MDGA2: variants seen among roughly 807,000 people sequenced by gnomAD.
MDGA2 encodes MAM domain-containing glycosylphosphatidylinositol anchor protein 2.
MDGA2 carries 40 observed loss-of-function variants against 117.8 expected under a neutral mutation model. The observed-to-expected ratio is 0.34, with a 90% CI of 0.26 to 0.44. The LOEUF is 0.44. Ranked by LOEUF, MDGA2 falls within the 20% of genes least tolerant of loss-of-function variation. The pLI, the probability that MDGA2 is intolerant of heterozygous loss-of-function variation, is 1.00. For synonymous variants in MDGA2, 452 were observed against 439.0 expected (o/e 1.03, Z -0.37); for missense variants, 1,123 against 1,250.6 (o/e 0.90, Z 1.54).
At chr14:47,106,466 A>T (rs1880685743) in intron 5 of MDGA2, among the ~76,000 whole-genome samples, 1 of 151,940 alleles carries the variant, frequency 6.6e-6, no homozygotes. Context: ...ATGTGCCGGA[A>T]ATCTGGCCAC....
At chr14:47,614,490 TA>T (rs1896913949) in intron 1 of MDGA2, among the ~76,000 whole-genome samples, 1 of 152,184 alleles carries the variant, frequency 6.6e-6, no homozygotes, top group Non-Finnish European at 1.5e-5. Context: ...GGCCTTCCAT[TA>T]ATGTTATTTC....
intron 8 of MDGA2, among the ~76,000 whole-genome samples, chr14:47,017,073 A>C (rs73241246): frequency 0.14 from 21,897 of 151,396 alleles, 1,776 homozygotes; most frequent in South Asian, 0.27. Context: ...TTATGTCTCT[A>C]TTTCTCTTGG....
chr14:47,608,585 T>TA (rs1008920593), intron 1 of MDGA2, among the ~76,000 whole-genome samples: 1 of 152,072 alleles, frequency 6.6e-6, no homozygotes, highest in African/African-American at 2.4e-5. Flanking sequence ...ATAGGCACTG[T>TA]AAAAAGGAAA....
At chr14:47,616,719 T>C (rs1296265354) in intron 1 of MDGA2, among the ~76,000 whole-genome samples, 1 of 152,196 alleles carries the variant, frequency 6.6e-6, no homozygotes, top group Non-Finnish European at 1.5e-5. Flanking sequence ...AACAATTTTT[T>C]AGATAATGGA....
intron 1 of MDGA2, among the ~76,000 whole-genome samples, chr14:47,440,684 TTCTGTAGGC>T (rs2138546736): frequency 5.1e-5 from 1 of 19,788 alleles, no homozygotes; most frequent in Non-Finnish European, 1.1e-4. Flanking sequence ...TTCTGTAGGC[TTCTGTAGGC>T]TTCTAGAAAT....
chr14:47,005,450 G>A (rs1320434731), intron 8 of MDGA2, among the ~76,000 whole-genome samples: 1 of 151,470 alleles, frequency 6.6e-6, no homozygotes, highest in Non-Finnish European at 1.5e-5. Flanking sequence ...CATATTCTCA[G>A]CATAAACTCT....
intron 3 of MDGA2, among the ~76,000 whole-genome samples, chr14:47,169,100 A>G (rs1057477346): frequency 4.6e-5 from 7 of 151,994 alleles, no homozygotes; most frequent in Non-Finnish European, 8.8e-5. Flanking sequence ...GAACTTACCA[A>G]AATTCCCCTT....
chr14:46,938,540 C>CAAAAAA lies in MDGA2; in HGVS notation c.2090-18386_2090-18381dup, dbSNP rs71112472. Reference sequence around the variant, plus strand: ...GGGCAACAAGAACGAAAATCCATCTCAAAAAAAAAAAAAAAAAAAAGAGAC... The same window carrying CAAAAAA: ...GGGCAACAAGAACGAAAATCCATCTCAAAAAAAAAAAAAAAAAAAAAAAAAAGAGAC... On this transcript the variant is annotated intron_variant, in intron 9 of 16. Coordinates refer to ENST00000399232, the MANE Select transcript of MDGA2 (RefSeq NM_001113498.3). 3.1e-3 allele frequency among the ~76,000 whole-genome samples: 84 copies of CAAAAAA among 26,980 alleles called. 3 individuals are homozygous for CAAAAAA. Among genetic ancestry groups the CAAAAAA allele is most frequent in the Middle Eastern group, 0.019 (1 of 52 alleles). The allele number at this position is 26,980 out of a possible 152,430, so 17.7% of individuals were successfully genotyped here. A position where few individuals can be genotyped will look rare whatever the true frequency, so the allele number is the denominator to read the frequency against.
chr14:47,249,495 T>C (rs1043943219), intron 2 of MDGA2, among the ~76,000 whole-genome samples: 2 of 152,136 alleles, frequency 1.3e-5, no homozygotes, highest in African/African-American at 4.8e-5. Context: ...CTAAATTATA[T>C]ATGTATATTT....
At chr14:47,356,743 T>C (rs1891003019) in intron 1 of MDGA2, among the ~76,000 whole-genome samples, 1 of 152,146 alleles carries the variant, frequency 6.6e-6, no homozygotes, top group Non-Finnish European at 1.5e-5. Flanking sequence ...ACCAAATGCA[T>C]TCAGAACAAG....
chr14:46,944,618 T>C (rs1885108831), intron 9 of MDGA2, among the ~76,000 whole-genome samples: 1 of 151,940 alleles, frequency 6.6e-6, no homozygotes, highest in South Asian at 2.1e-4. Context: ...AGGTCCCTTC[T>C]CTTTATTCTT....
intron 8 of MDGA2, among the ~76,000 whole-genome samples, chr14:47,010,953 TATCCATTTGCAGTA>T (rs1265072535): frequency 3.2e-4 from 48 of 152,078 alleles, no homozygotes; most frequent in African/African-American, 1.1e-3. Context: ...TTTCCATTAA[TATCCATTTGCAGTA>T]AGAGAATGGC....
chr14:47,033,849 A>T (rs1368915517), intron 8 of MDGA2, among the ~76,000 whole-genome samples: 1 of 152,184 alleles, frequency 6.6e-6, no homozygotes, highest in Non-Finnish European at 1.5e-5. Flanking sequence ...CCACACTCAC[A>T]TATCTCATGC....
At chr14:47,592,259 AAAACATTCCATGCTCATGGATAGG>A (rs1350145022) in intron 1 of MDGA2, among the ~76,000 whole-genome samples, 15 of 152,192 alleles carry the variant, frequency 9.9e-5, no homozygotes, top group African/African-American at 3.1e-4. Flanking sequence ...AACAAATGGA[AAAACATTCCATGCTCATGGATAGG>A]AAGAATCAAT....
intron 2 of MDGA2, among the ~76,000 whole-genome samples, chr14:47,268,159 G>A (rs907229619): frequency 2.7e-5 from 4 of 150,660 alleles, no homozygotes; most frequent in East Asian, 3.9e-4. Flanking sequence ...TGCAACCTCC[G>A]CCTCCCTGGT....
intron 2 of MDGA2, among the ~76,000 whole-genome samples, chr14:47,294,677 T>C (rs560711185): frequency 6.6e-4 from 100 of 152,232 alleles, no homozygotes; most frequent in African/African-American, 2.3e-3. Context: ...CTAGTATGTT[T>C]CTTATTCAAG....
intron 8 of MDGA2, among the ~76,000 whole-genome samples, chr14:46,987,350 G>C (rs1300109041): frequency 1.3e-5 from 2 of 152,092 alleles, no homozygotes; most frequent in African/African-American, 2.4e-5. Context: ...TGCCCTGCCA[G>C]AGCATAACTG....
chr14:46,917,209 G>A (rs1883934675), intron 10 of MDGA2, among the ~76,000 whole-genome samples: 1 of 152,106 alleles, frequency 6.6e-6, no homozygotes, highest in Non-Finnish European at 1.5e-5. Context: ...ATTATTTTGT[G>A]AAAACCATGA....
intron 7 of MDGA2, among the ~76,000 whole-genome samples, chr14:47,044,396 T>C (rs543309174): frequency 1.3e-4 from 20 of 152,300 alleles, no homozygotes; most frequent in African/African-American, 3.6e-4. Context: ...GAGTAATTTG[T>C]CCACTCCATG....
Sources: gnomAD v4.1 joint callset for allele counts (sites outside exome capture counted in the v4.1 genomes callset) on GRCh38, gnomAD v4.1.1 for gene constraint, MANE v1.5 for transcripts, NCBI Gene and HGNC (gene_info 2026-07-23, HGNC 2026-07-21) for gene names.